Variants in EDNRB observed in about 807,000 individuals in gnomAD.
EDNRB encodes the protein endothelin receptor type B.
Under a neutral mutation model 46.4 loss-of-function variants are expected in EDNRB, and 18 were observed. That is an observed-to-expected ratio of 0.39 (90% CI 0.27 to 0.57). EDNRB has a LOEUF of 0.57. Among genes scored for constraint, EDNRB ranks in the 20% least tolerant of loss-of-function variants. EDNRB has a pLI of 0.61. For missense variants in EDNRB, 434 were observed against 537.5 expected (o/e 0.81, Z 1.90); for synonymous variants, 213 against 204.9 (o/e 1.04, Z -0.34).
chr13:77,962,594 C>T (rs969302823), intron 1 of EDNRB, among the ~76,000 whole-genome samples: 6 of 152,070 alleles, frequency 3.9e-5, no homozygotes, highest in South Asian at 2.1e-4. Context: ...AAACTCTCAA[C>T]AAATTAGGTA....
At chr13:77,931,388 G>A (rs1365510267) in intron 1 of EDNRB, among the ~76,000 whole-genome samples, 2 of 151,980 alleles carry the variant, frequency 1.3e-5, no homozygotes, top group African/African-American at 4.8e-5. Context: ...AAAAACTTTG[G>A]AAATAGTCTC....
chr13:77,924,498 C>A (rs1409366874), upstream of EDNRB, among the ~76,000 whole-genome samples: 1 of 152,008 alleles, frequency 6.6e-6, no homozygotes, highest in Admixed American at 6.6e-5. Flanking sequence ...AATGGGAAAT[C>A]CAAGAAGCGG....
chr13:77,916,834 C>T lies in EDNRB; in HGVS notation c.483+1257G>A, dbSNP rs192977407. Among the ~76,000 whole-genome samples, 272 of 151,308 alleles carry T rather than the reference C, an allele frequency of 1.8e-3. 2 individuals carry two copies. The highest frequency in any genetic ancestry group is 1.7e-3 in the Non-Finnish European group (118 of 67,910). ...TGTTTTTATGTGCAACTTTCTATTG[C>T]TGCTGCTGCTGCTGCTGCTGGGAAA... On this transcript the variant is annotated intron_variant, in intron 1 of 6. Coordinates refer to ENST00000646607, the MANE Select transcript of EDNRB (RefSeq NM_001122659.3).
chr13:77,952,101 G>A (rs1357227616), intron 1 of EDNRB, among the ~76,000 whole-genome samples: 1 of 152,088 alleles, frequency 6.6e-6, no homozygotes, highest in Non-Finnish European at 1.5e-5. Context: ...AGGGCTCTTG[G>A]ATCTCATGCA....
intron 1 of EDNRB, among the ~76,000 whole-genome samples, chr13:77,915,128 C>G (rs562301426): frequency 6.6e-6 from 1 of 152,162 alleles, no homozygotes; most frequent in South Asian, 2.1e-4. Flanking sequence ...AATGATCATA[C>G]CTGACTACTC....
At chr13:77,962,086 G>C (rs1038067196) in intron 1 of EDNRB, among the ~76,000 whole-genome samples, 2 of 152,030 alleles carry the variant, frequency 1.3e-5, no homozygotes, top group African/African-American at 4.8e-5. Flanking sequence ...CCAGGAAGAA[G>C]TTAAATCCCT....
intron 1 of EDNRB, among the ~76,000 whole-genome samples, chr13:77,927,565 C>T (rs2137650534): frequency 6.6e-6 from 1 of 152,266 alleles, no homozygotes; most frequent in Non-Finnish European, 1.5e-5. Flanking sequence ...TCATATTTTT[C>T]CAATTCCAAA....
At chr13:77,952,370 C>T (rs1309720115) in intron 1 of EDNRB, among the ~76,000 whole-genome samples, 1 of 152,152 alleles carries the variant, frequency 6.6e-6, no homozygotes, top group East Asian at 1.9e-4. Context: ...AGGAATGCTT[C>T]TGTTCTCCAG....
At chr13:77,901,949 T>C (rs139048971) in intron 3 of EDNRB, among the ~76,000 whole-genome samples, 192 of 152,084 alleles carry the variant, frequency 1.3e-3, no homozygotes, top group African/African-American at 4.4e-3. Context: ...CAATAGAAAA[T>C]AATCATTGGG....
intron 1 of EDNRB, among the ~76,000 whole-genome samples, chr13:77,972,327 C>T (rs1881759710): frequency 6.6e-6 from 1 of 152,192 alleles, no homozygotes; most frequent in African/African-American, 2.4e-5. Flanking sequence ...AATATTTGAT[C>T]CATTTTAACC....
At chr13:77,929,776 T>C (rs1880337530) in intron 1 of EDNRB, among the ~76,000 whole-genome samples, 1 of 152,162 alleles carries the variant, frequency 6.6e-6, no homozygotes, top group South Asian at 2.1e-4. Flanking sequence ...TTTACCTACC[T>C]GAGAAGCCTT....
chr13:77,940,703 G>A (rs1458226376), intron 1 of EDNRB, among the ~76,000 whole-genome samples: 3 of 2,334 alleles, frequency 1.3e-3, no homozygotes, highest in Non-Finnish European at 9.8e-3. Flanking sequence ...TGAATTGGGT[G>A]TGTGTGTGTG....
upstream of EDNRB, chr13:77,919,662 A>G (rs570772334): frequency 5.8e-5 from 88 of 1,524,120 alleles, 1 homozygote; most frequent in South Asian, 1.0e-3. Flanking sequence ...GCGCCTTCCG[A>G]CCCCGCTGCA....
chr13:77,902,727 C>T (rs1206593738), intron 3 of EDNRB, among the ~76,000 whole-genome samples: 2 of 152,020 alleles, frequency 1.3e-5, no homozygotes, highest in African/African-American at 4.8e-5. Flanking sequence ...TCAGGGATAA[C>T]ACCCCCTTCC....
chr13:77,931,377 GA>G lies in EDNRB; in HGVS notation c.-51-12754del, dbSNP rs539177987. 3.3e-3 allele frequency among the ~76,000 whole-genome samples: 504 copies of G among 152,014 alleles called. 2 individuals are homozygous for G. The highest frequency in any genetic ancestry group is 4.5e-3 in the Non-Finnish European group (308 of 67,970). ...AACCTGCTTATAAATGACATTCTTG[GA>G]AAAACTTTGGAAATAGTCTCCCAAA... is the stretch of plus-strand genomic sequence containing the variant. On this transcript the variant is annotated intron_variant, in intron 1 of 7. Coordinates refer to the EDNRB transcript ENST00000646948.
Position 77,897,659 on chromosome 13 carries a change from C to G in EDNRB, c.*541G>C. The G allele has an allele frequency of 1.0e-6, 1 of 986,466 alleles. No individual in the cohort carries two copies. Among genetic ancestry groups the G allele is most frequent in the Non-Finnish European group, 1.2e-6 (1 of 830,866 alleles). The allele number at this position is 986,466 out of a possible 1,614,324, so 61.1% of individuals were successfully genotyped here. A position where few individuals can be genotyped will look rare whatever the true frequency, so the allele number is the denominator to read the frequency against. On this transcript the variant is annotated 3_prime_UTR_variant, in exon 7 of 7. Coordinates refer to ENST00000646607, the MANE Select transcript of EDNRB (RefSeq NM_001122659.3). ...CTGATCATTTAAATGTTTCCAGTGT[C>G]CGAAAAATGCAACAACTAAACTGCT...
upstream of EDNRB, among the ~76,000 whole-genome samples, chr13:77,922,767 C>A (rs1173297692): frequency 6.6e-6 from 1 of 152,160 alleles, no homozygotes. Context: ...GTGAAATGGA[C>A]AGGGCTTAAC....
intron 1 of EDNRB, among the ~76,000 whole-genome samples, chr13:77,950,452 G>C (rs1881060952): frequency 6.6e-6 from 1 of 152,208 alleles, no homozygotes; most frequent in South Asian, 2.1e-4. Context: ...GGGCTGAAGG[G>C]AGAAAGGACC....
chr13:77,904,857 A>G (rs1374536688), intron 1 of EDNRB, among the ~76,000 whole-genome samples: 3 of 151,968 alleles, frequency 2.0e-5, no homozygotes, highest in African/African-American at 7.2e-5. Context: ...AGTGAAAATT[A>G]TTTTGAGACA....
Sources: gnomAD v4.1 joint callset for allele counts (sites outside exome capture counted in the v4.1 genomes callset) on GRCh38, gnomAD v4.1.1 for gene constraint, MANE v1.5 for transcripts, NCBI Gene and HGNC (gene_info 2026-07-23, HGNC 2026-07-21) for gene names.